Variants in USP42 observed in about 807,000 individuals in gnomAD.
The protein encoded by USP42 is ubiquitin carboxyl-terminal hydrolase 42.
A neutral mutation model predicts 113.0 loss-of-function variants in USP42; 23 were observed. The ratio of observed to expected loss-of-function variants is 0.20; its 90% CI spans 0.15 to 0.29. USP42 has a LOEUF of 0.29. Among genes scored for constraint, USP42 ranks in the 10% least tolerant of loss-of-function variants. The pLI is 1.00. For missense variants in USP42, 2,174 were observed against 1,779.8 expected (o/e 1.22, Z -3.99); for synonymous variants, 933 against 699.0 (o/e 1.33, Z -5.28).
intron 4 of USP42, among the ~76,000 whole-genome samples, chr7:6,136,196 G>T (rs1439683713): frequency 6.6e-6 from 1 of 151,818 alleles, no homozygotes; most frequent in Non-Finnish European, 1.5e-5. Context: ...TACAGATGGG[G>T]TTTCTCCATG....
chr7:6,128,295 C>G (rs1437771657), intron 3 of USP42: 1 of 148,680 alleles, frequency 6.7e-6, no homozygotes, highest in Admixed American at 6.7e-5. Flanking sequence ...TGAGGTCTCA[C>G]TCTGTCACCT....
Position 6,149,903 on chromosome 7 carries a change from A to C in USP42, c.1707A>C (p.Ala569=), listed in dbSNP as rs1320200354. Residue 569 remains alanine (A), a synonymous_variant, in exon 13 of 18, where the codon GCA becomes GCC. Coordinates refer to ENST00000306177, the MANE Select transcript of USP42 (RefSeq NM_032172.3). ...CTGCAGTACAGTCTACCTCGAACGC[A>C]TCTACGATGTCAGTTTCTAGTAAAG... is the stretch of plus-strand genomic sequence containing the variant. ...TNSAVQSTSN[A]STMSVSSKVT... is the part of the protein sequence containing the mutation. 6.2e-7 allele frequency: 1 copy of C among 1,614,068 alleles called. No homozygotes were observed. Among genetic ancestry groups the C allele is most frequent in the East Asian group, 2.2e-5 (1 of 44,894 alleles).
chr7:6,153,881 C>T lies in USP42; in HGVS notation c.2327C>T (p.Pro776Leu), dbSNP rs754073417. The T allele has an allele frequency of 4.5e-6, 7 of 1,565,888 alleles. No homozygotes were observed. The highest frequency in any genetic ancestry group is 1.4e-5 in the African/African-American group (1 of 73,266). The change falls in exon 15 of 18, where the codon CCG becomes CTG. Residue 776 changes from proline to leucine, a missense_variant. Physicochemically the swap from Pro to Leu is moderately conservative, Grantham distance 98. Coordinates refer to ENST00000306177, the MANE Select transcript of USP42 (RefSeq NM_032172.3). ...GGCCTCAGCAGCACCAAGAAGGCTC[C>T]GCCGCCCCGCGATCCCGGCACCCCC... Reference protein sequence around the residue: ...AAGLSSTKKAPPPRDPGTPAT... With the variant: ...AAGLSSTKKALPPRDPGTPAT...
In USP42 at chr7:6,147,867, C is replaced by T; in HGVS notation, c.1361C>T (p.Pro454Leu). Residue 454 changes from proline to leucine, a missense_variant, in exon 12 of 18, where the codon CCA becomes CTA. Physicochemically the swap from Pro to Leu is moderately conservative, Grantham distance 98. Coordinates refer to ENST00000306177, the MANE Select transcript of USP42 (RefSeq NM_032172.3). ...CAGGCTGCGCCAGGCTTTATCGGAC[C>T]ACAGCTTCCCTCTCACATGATAAAG... is the stretch of plus-strand genomic sequence containing the variant. ...NKQAAPGFIG[P>L]QLPSHMIKNP... The T allele has an allele frequency of 2.5e-6, 4 of 1,611,840 alleles. No individual in the cohort carries two copies. The highest frequency in any genetic ancestry group is 3.4e-6 in the Non-Finnish European group (4 of 1,178,700).
At chr7:6,125,192 A>C (rs1401120242) in intron 3 of USP42, among the ~76,000 whole-genome samples, 20 of 149,920 alleles carry the variant, frequency 1.3e-4, no homozygotes, top group African/African-American at 4.7e-4. Flanking sequence ...ACAAAAAAAA[A>C]AAAAAAAAAA....
At chr7:6,105,405 G>A (rs1316522594) in intron 1 of USP42, among the ~76,000 whole-genome samples, 1 of 149,210 alleles carries the variant, frequency 6.7e-6, no homozygotes, top group Non-Finnish European at 1.5e-5. Flanking sequence ...CAGGCGGGAG[G>A]CTCGGGGCGG....
chr7:6,091,558 T>C, the USP42 span, among the ~76,000 whole-genome samples: 1 of 150,664 alleles, frequency 6.6e-6, no homozygotes, highest in Non-Finnish European at 1.5e-5. Context: ...GCTACCGTAT[T>C]ATACTATAAT....
At position 6,156,950 on chromosome 7, in the gene USP42, T is replaced by C; in HGVS notation, c.3838T>C (p.Ser1280Pro). ...GAGAGCCCAGGGTGGCTTTCCTCTCTCTGGTGGCCCGCCTCTGGAAGGCGT... is the reference window on the plus strand; with the variant it reads ...GAGAGCCCAGGGTGGCTTTCCTCTCCCTGGTGGCCCGCCTCTGGAAGGCGT... The part of the protein sequence containing the change: ...FRRAQGGFPL[S>P]GGPPLEGVGP... The change falls in exon 16 of 18, where the codon TCT becomes CCT. Residue 1280 changes from serine (S) to proline (P), a missense_variant. By Grantham distance (74) the Ser-to-Pro change is moderately conservative. Coordinates refer to ENST00000306177, the MANE Select transcript of USP42 (RefSeq NM_032172.3). The C allele has an allele frequency of 1.2e-6, 2 of 1,613,834 alleles. No individual in the cohort carries two copies. Among genetic ancestry groups the C allele is most frequent in the Non-Finnish European group, 1.7e-6 (2 of 1,179,818 alleles).
chr7:6,128,412 C>A (rs1174053087), intron 3 of USP42, among the ~76,000 whole-genome samples: 1 of 152,130 alleles, frequency 6.6e-6, no homozygotes. Context: ...CAGGCATGCA[C>A]CACCATGCCC....
At chr7:6,127,520 A>G (rs961396700) in intron 3 of USP42, among the ~76,000 whole-genome samples, 5 of 150,760 alleles carry the variant, frequency 3.3e-5, no homozygotes, top group East Asian at 1.9e-4. Context: ...CTCCAGCGTC[A>G]TTTTCTTGAA....
At chr7:6,115,667 A>G in intron 3 of USP42, 144 bp downstream of exon 3, 1 of 1,005,984 alleles carries the variant, frequency 9.9e-7, no homozygotes, top group Non-Finnish European at 1.5e-6. Context: ...AAGGAGGAGG[A>G]CTCAGGATTG....
At chr7:6,143,858 T>TTCAGAATTG (rs1224987473) in intron 8 of USP42, among the ~76,000 whole-genome samples, 2 of 152,182 alleles carry the variant, frequency 1.3e-5, no homozygotes, top group Admixed American at 6.5e-5. Context: ...GGCTTGGTTT[T>TTCAGAATTG]TCAGAATTGT....
At chr7:6,119,105 C>T (rs1008475581) in intron 3 of USP42, among the ~76,000 whole-genome samples, 1 of 151,268 alleles carries the variant, frequency 6.6e-6, no homozygotes, top group Non-Finnish European at 1.5e-5. Context: ...GTCCTAGTTA[C>T]TTCGGAGGCT....
chr7:6,140,330 C>A, intron 6 of USP42, 135 bp downstream of exon 6: 2 of 790,692 alleles, frequency 2.5e-6, no homozygotes, highest in Admixed American at 2.8e-5. Context: ...TCCTTTTACC[C>A]AGAGGCAGCC....
rs1437883639 is a variant in USP42, at chr7:6,135,853, G to A, written c.455G>A (p.Gly152Asp). The A allele has an allele frequency of 6.3e-6, 10 of 1,598,380 alleles. No homozygotes were observed. Among genetic ancestry groups the A allele is most frequent in the Non-Finnish European group, 8.5e-6 (10 of 1,173,892 alleles). Residue 152 changes from glycine (G) to aspartate (D), a missense_variant, in exon 4 of 18, where the codon GGC becomes GAC. Transcript: ENST00000306177. ...ATCTATCTTTCAGGTCATGCAGAAG[G>A]CTTTTGTATGATGTGTACAATGCAA... is the stretch of plus-strand genomic sequence containing the variant. Reference protein sequence around the residue: ...HEHSKTCHAEGFCMMCTMQAH... With the variant: ...HEHSKTCHAEDFCMMCTMQAH...
intron 6 of USP42, 37 bp downstream of exon 6, chr7:6,140,232 A>G: frequency 6.4e-7 from 1 of 1,571,136 alleles, no homozygotes; most frequent in Non-Finnish European, 8.8e-7. Context: ...AATGATACAC[A>G]CATGTGGTTA....
intron 3 of USP42, among the ~76,000 whole-genome samples, chr7:6,124,708 A>G (rs934519940): frequency 1.3e-5 from 2 of 151,120 alleles, no homozygotes; most frequent in East Asian, 1.9e-4. Flanking sequence ...CCATCTTGCT[A>G]TTTTTTTTCC....
upstream of USP42, among the ~76,000 whole-genome samples, chr7:6,104,667 C>G (rs532861308): frequency 4.6e-5 from 7 of 152,266 alleles, no homozygotes; most frequent in Admixed American, 1.3e-4. Flanking sequence ...TTCGCCGGCG[C>G]GCAGACGCGC....
chr7:6,114,925 C>G (rs748213961), intron 2 of USP42, among the ~76,000 whole-genome samples: 2 of 151,660 alleles, frequency 1.3e-5, no homozygotes, highest in African/African-American at 2.4e-5. Context: ...CTCCTGACCT[C>G]ATAATCCGCC....
Sources: gnomAD v4.1 joint callset for allele counts (sites outside exome capture counted in the v4.1 genomes callset) on GRCh38, gnomAD v4.1.1 for gene constraint, MANE v1.5 for transcripts, NCBI Gene and HGNC (gene_info 2026-07-23, HGNC 2026-07-21) for gene names.